Variants in CSMD1 observed in about 807,000 individuals in gnomAD.
CSMD1 encodes CUB and Sushi multiple domains 1.
Under a neutral mutation model 417.5 loss-of-function variants are expected in CSMD1, and 213 were observed. That is an observed-to-expected ratio of 0.51 (90% CI 0.46 to 0.57). The LOEUF (loss-of-function observed/expected upper bound fraction) is 0.57, where lower values mean the gene tolerates loss of function less well. Among genes scored for constraint, CSMD1 ranks in the 20% least tolerant of loss-of-function variants. The probability of loss-of-function intolerance (pLI) is 0.00; values close to 1 mark genes in which losing one functional copy is unlikely to be tolerated. For synonymous variants in CSMD1, 2,862 were observed against 1,736.8 expected (o/e 1.65, Z -16.11); for missense variants, 6,923 against 4,529.7 (o/e 1.53, Z -15.17).
intron 5 of CSMD1, among the ~76,000 whole-genome samples, chr8:3,917,908 T>C (rs922460495): frequency 3.3e-5 from 5 of 152,144 alleles, no homozygotes; most frequent in African/African-American, 9.7e-5. Context: ...AAATTTAAAG[T>C]TCTCAGTGTG....
chr8:4,226,789 T>C (rs926476852), intron 3 of CSMD1, among the ~76,000 whole-genome samples: 23 of 152,210 alleles, frequency 1.5e-4, no homozygotes, highest in African/African-American at 5.1e-4. Flanking sequence ...ACAAAAACTC[T>C]GCCCCATTAG....
intron 30 of CSMD1, among the ~76,000 whole-genome samples, chr8:3,206,522 C>T (rs1416383976): frequency 1.2e-4 from 10 of 84,572 alleles, no homozygotes; most frequent in African/African-American, 2.0e-4. Flanking sequence ...TGTATGTCTG[C>T]GTGTGTATGT....
At chr8:4,824,337 G>T (rs962582103) in intron 1 of CSMD1, among the ~76,000 whole-genome samples, 1 of 152,092 alleles carries the variant, frequency 6.6e-6, no homozygotes, top group African/African-American at 2.4e-5. Flanking sequence ...TTGGGAGGTA[G>T]ATAGTGGATG....
intron 41 of CSMD1, among the ~76,000 whole-genome samples, chr8:3,133,013 T>C (rs975353692): frequency 2.0e-5 from 3 of 152,194 alleles, no homozygotes; most frequent in Non-Finnish European, 2.9e-5. Flanking sequence ...CTTGGCCTCA[T>C]ATGAGGTTAG....
intron 30 of CSMD1, among the ~76,000 whole-genome samples, chr8:3,209,361 G>T (rs111469661): frequency 2.6e-5 from 4 of 152,114 alleles, no homozygotes; most frequent in African/African-American, 9.6e-5. Context: ...CTGTGGCCCA[G>T]GCTGGAGTAC....
chr8:4,678,812 C>A (rs565160575), intron 1 of CSMD1, among the ~76,000 whole-genome samples: 46 of 152,310 alleles, frequency 3.0e-4, no homozygotes, highest in African/African-American at 9.9e-4. Flanking sequence ...CTGTATGTAG[C>A]AAGGGTGTGG....
rs888545231 is a variant in CSMD1 at position 2,962,383 on chromosome 8, T to C, written c.9628+83A>G. The C allele has an allele frequency of 5.5e-6, 7 of 1,273,926 alleles. No individual in the cohort carries two copies. The African/African-American group carries it at 1.0e-4, about 19-fold the overall frequency. 78.9% of individuals were successfully genotyped at this position (1,273,926 alleles called of 1,614,324 possible). ...GTCTATGGAAACACTTTCTATGTAA[T>C]CACAAATGACCCAATTTCGGAATGA... On this transcript the variant is annotated intron_variant, in intron 61 of 69. Transcript: ENST00000635120.
In CSMD1 at chr8:3,029,346, T is replaced by C. The variant is rs2128976406; in HGVS notation, c.7828A>G (p.Ile2610Val). ...CGACAGCTTGGCCTCTCATCTCCTATGTTCCACGTCCCATTGGCCTGGCAC... is the reference window on the plus strand; with the variant it reads ...CGACAGCTTGGCCTCTCATCTCCTACGTTCCACGTCCCATTGGCCTGGCAC... ...LRCQANGTWN[I>V]GDERPSCRVI... is the part of the protein sequence containing the mutation. Residue 2610 changes from isoleucine to valine, a missense_variant, in exon 51 of 70, where the codon ATA becomes GTA. Ile to Val is a conservative substitution (Grantham distance 29). Transcript: ENST00000635120. The C allele has an allele frequency of 1.2e-6, 2 of 1,610,714 alleles. No homozygotes were observed. The highest frequency in any genetic ancestry group is 1.7e-6 in the Non-Finnish European group (2 of 1,179,360).
intron 7 of CSMD1, among the ~76,000 whole-genome samples, chr8:3,664,414 C>A (rs866976117): frequency 3.3e-5 from 5 of 152,324 alleles, no homozygotes; most frequent in Middle Eastern, 3.4e-3. Context: ...TGAATCAGTT[C>A]TCTTCCAAAA....
At chr8:4,281,646 A>G (rs1796791229) in intron 3 of CSMD1, among the ~76,000 whole-genome samples, 1 of 152,068 alleles carries the variant, frequency 6.6e-6, no homozygotes, top group Non-Finnish European at 1.5e-5. Context: ...GGGCTTTCTT[A>G]CTTGACATAT....
chr8:4,261,777 T>C (rs1291366257), intron 3 of CSMD1, among the ~76,000 whole-genome samples: 1 of 152,092 alleles, frequency 6.6e-6, no homozygotes. Flanking sequence ...ATGAATATGT[T>C]AATTAGTTTG....
chr8:4,462,764 G>C (rs918341824), intron 2 of CSMD1, among the ~76,000 whole-genome samples: 1 of 152,102 alleles, frequency 6.6e-6, no homozygotes, highest in Non-Finnish European at 1.5e-5. Context: ...ATGGTGCTCA[G>C]ACAACTGAGT....
intron 1 of CSMD1, among the ~76,000 whole-genome samples, chr8:4,989,991 G>A (rs1423164044): frequency 1.3e-5 from 2 of 152,130 alleles, no homozygotes; most frequent in African/African-American, 2.4e-5. Flanking sequence ...TGTGGCAGTC[G>A]TCTTACCAAG....
intron 3 of CSMD1, among the ~76,000 whole-genome samples, chr8:4,351,492 G>C (rs1284600672): frequency 2.0e-5 from 3 of 152,200 alleles, no homozygotes; most frequent in Non-Finnish European, 4.4e-5. Context: ...CAAATTTATA[G>C]ATTAGGAAGA....
chr8:3,781,092 G>A (rs1799154344), intron 5 of CSMD1, among the ~76,000 whole-genome samples: 3 of 152,130 alleles, frequency 2.0e-5, no homozygotes, highest in Middle Eastern at 3.2e-3. Flanking sequence ...TCATGGCACT[G>A]CAAACTGTTT....
At chr8:4,071,260 C>T (rs868004856) in intron 3 of CSMD1, among the ~76,000 whole-genome samples, 4 of 152,190 alleles carry the variant, frequency 2.6e-5, no homozygotes, top group South Asian at 4.1e-4. Flanking sequence ...AGAAGCCTGA[C>T]GCCCTGCTTG....
chr8:3,759,123 G>C (rs1040643509), intron 5 of CSMD1, among the ~76,000 whole-genome samples: 1 of 152,200 alleles, frequency 6.6e-6, no homozygotes, highest in African/African-American at 2.4e-5. Context: ...TAATAAACAC[G>C]TGTTGGTTTA....
chr8:3,815,691 G>A (rs1443468639), intron 5 of CSMD1, among the ~76,000 whole-genome samples: 1 of 150,908 alleles, frequency 6.6e-6, no homozygotes, highest in Admixed American at 6.6e-5. Context: ...ATCAATGATG[G>A]TGACTTTTTC....
chr8:4,362,722 C>T (rs1032038737), intron 3 of CSMD1, among the ~76,000 whole-genome samples: 1 of 152,124 alleles, frequency 6.6e-6, no homozygotes, highest in Non-Finnish European at 1.5e-5. Flanking sequence ...AAAGGACTTT[C>T]TTTACATTGT....
Sources: allele counts gnomAD v4.1 joint callset (sites outside exome capture counted in the v4.1 genomes callset), GRCh38; gene constraint gnomAD v4.1.1; transcripts MANE v1.5; gene names NCBI Gene and HGNC (gene_info 2026-07-23, HGNC 2026-07-21).